The following SLC1A2 variants were observed in gnomAD, a reference collection of about 807,000 sequenced individuals.
The protein encoded by SLC1A2 is excitatory amino acid transporter 2.
SLC1A2 carries 15 observed loss-of-function variants against 48.8 expected under a neutral mutation model. That is an observed-to-expected ratio of 0.31 (90% confidence interval 0.21 to 0.47). SLC1A2 has a LOEUF of 0.47. Ranked by LOEUF, SLC1A2 falls within the 20% of genes least tolerant of loss-of-function variation. The pLI is 0.99. For synonymous variants in SLC1A2, 279 were observed against 272.6 expected, an observed-to-expected ratio of 1.02 and a Z score of -0.23; for missense variants, 502 against 730.5, an observed-to-expected ratio of 0.69 and a Z score of 3.61.
At chr11:35,279,415 A>T (rs1850548731) in intron 9 of SLC1A2, among the ~76,000 whole-genome samples, 1 of 152,222 alleles carries the variant, frequency 6.6e-6, no homozygotes, top group Non-Finnish European at 1.5e-5. Context: ...GTCAAGTTCA[A>T]GTTTCTCTGC....
chr11:35,265,546 A>G lies in SLC1A2; in HGVS notation c.1634T>C (p.Val545Ala). 5 of 1,587,738 alleles carry G rather than the reference A, an allele frequency of 3.1e-6. No individual in the cohort carries two copies. Among genetic ancestry groups the G allele is most frequent in the Non-Finnish European group, 4.3e-6 (5 of 1,156,060 alleles). The change falls in exon 10 of 11, where the codon GTC becomes GCC. Residue 545 changes from valine to alanine, a missense_variant. Physicochemically the swap from Val to Ala is moderately conservative, Grantham distance 64. This residue lies in a region of SLC1A2 where 102 missense variants were observed against 107.2 expected (regional missense o/e 0.95). Transcript: ENST00000278379. ...NQCVYAAHNSVIVDECKVTLA... is the reference protein window; with the variant it reads ...NQCVYAAHNSAIVDECKVTLA... ...ATGTACCTTGCATTCATCTACTATG[A>G]CAGAGTTGTGTGCAGCATAGACACA...
chr11:35,320,470 G>A (rs936197211), intron 1 of SLC1A2, among the ~76,000 whole-genome samples: 7 of 152,208 alleles, frequency 4.6e-5, no homozygotes, highest in African/African-American at 1.7e-4. Flanking sequence ...GGAAGAAGAA[G>A]GAATGTTCAA....
intron 5 of SLC1A2, among the ~76,000 whole-genome samples, chr11:35,301,852 G>C (rs1033825885): frequency 1.3e-5 from 2 of 152,170 alleles, no homozygotes; most frequent in African/African-American, 4.8e-5. Flanking sequence ...CTTTCCACAT[G>C]AGCAAGTTAA....
chr11:35,310,707 T>C (rs982889233), intron 4 of SLC1A2, among the ~76,000 whole-genome samples: 1 of 152,164 alleles, frequency 6.6e-6, no homozygotes, highest in African/African-American at 2.4e-5. Context: ...TCTACCTGGG[T>C]TAATGGAAAC....
At chr11:35,391,725 C>G (rs746891767) in intron 1 of SLC1A2, 2 of 152,190 alleles carry the variant, frequency 1.3e-5, no homozygotes, top group African/African-American at 4.8e-5. Context: ...AACTGCCATG[C>G]AAACAAATAC....
intron 1 of SLC1A2, chr11:35,392,491 C>T (rs1854813926): frequency 6.6e-6 from 1 of 152,272 alleles, no homozygotes. Context: ...GACCTGCCTT[C>T]TCTATTGCGA....
At chr11:35,344,391 C>T (rs4756214) in intron 1 of SLC1A2, among the ~76,000 whole-genome samples, 54,432 of 152,030 alleles carry the variant, frequency 0.36, 10,158 homozygotes, top group South Asian at 0.54. Flanking sequence ...TGAGAAGGAA[C>T]AGCAAGTGCA....
chr11:35,268,429 C>T lies in SLC1A2; in HGVS notation c.1422-2671G>A, dbSNP rs549343689. Among the ~76,000 whole-genome samples, 3 of 152,154 alleles carry T rather than the reference C, an allele frequency of 2.0e-5. No individual in the cohort carries two copies. In the South Asian group the frequency reaches 6.2e-4, roughly 32 times the overall value. Reference sequence around the variant, plus strand: ...TGGCGGCTCATGCCTGTAATCGCAGCACTTTGGGAGGCTGAGGTGGGCGGA... The same window carrying T: ...TGGCGGCTCATGCCTGTAATCGCAGTACTTTGGGAGGCTGAGGTGGGCGGA... On this transcript the variant is annotated intron_variant, in intron 9 of 10. Coordinates refer to ENST00000278379, the MANE Select transcript of SLC1A2 (RefSeq NM_004171.4).
chr11:35,265,734 A>G lies in SLC1A2; in HGVS notation c.1446T>C (p.Asn482=). The change falls in exon 10 of 11, where the codon AAT becomes AAC. Residue 482 remains asparagine (N), a synonymous_variant. Transcript: ENST00000278379. Reference sequence around the variant, plus strand: ...CAGCCCCAAAAGAGTCACCCACAACATTGACTGAAGTTCTCATCCTGTCCC... The same window carrying G: ...CAGCCCCAAAAGAGTCACCCACAACGTTGACTGAAGTTCTCATCCTGTCCC... The part of the protein sequence containing the change: ...WLLDRMRTSV[N]VVGDSFGAGI... The G allele has an allele frequency of 2.5e-6, 4 of 1,613,198 alleles. No individual in the cohort carries two copies. Among genetic ancestry groups the G allele is most frequent in the South Asian group, 1.1e-5 (1 of 91,036 alleles).
intron 1 of SLC1A2, among the ~76,000 whole-genome samples, chr11:35,375,971 G>A (rs907976012): frequency 7.2e-5 from 11 of 152,270 alleles, no homozygotes; most frequent in South Asian, 2.1e-4. Flanking sequence ...AGCCAGAAGC[G>A]GAATCCAGGC....
rs541940158 is a variant in SLC1A2 at position 35,298,632 on chromosome 11, C to T, written c.857+2887G>A. ...AACCAAACAGCTGTCAGAAATCATT[C>T]TAAGGTCTTATTCCTGCCTCACAAC... On this transcript the variant is annotated intron_variant, in intron 6 of 10. Coordinates refer to ENST00000278379, the MANE Select transcript of SLC1A2 (RefSeq NM_004171.4). 6 of 152,316 alleles carry T rather than the reference C, an allele frequency of 3.9e-5. No homozygotes were observed. The South Asian group carries it at 1.2e-3, about 32-fold the overall frequency. 9.4% of individuals were successfully genotyped at this position (152,316 alleles called of 1,614,324 possible).
intron 4 of SLC1A2, among the ~76,000 whole-genome samples, chr11:35,311,505 A>G (rs972056263): frequency 6.6e-6 from 1 of 152,226 alleles, no homozygotes; most frequent in Non-Finnish European, 1.5e-5. Context: ...ATAAGTGGCA[A>G]AAGAAAAATA....
At chr11:35,308,538 C>T (rs1024217370) in intron 4 of SLC1A2, among the ~76,000 whole-genome samples, 2 of 152,130 alleles carry the variant, frequency 1.3e-5, no homozygotes, top group African/African-American at 4.8e-5. Context: ...ATGAAGATAT[C>T]AGCATCGGGC....
At chr11:35,335,163 T>C (rs186616290) in intron 1 of SLC1A2, among the ~76,000 whole-genome samples, 6 of 152,246 alleles carry the variant, frequency 3.9e-5, no homozygotes, top group Non-Finnish European at 7.4e-5. Flanking sequence ...AGTGTATGCA[T>C]TGATGGGGGG....
At chr11:35,268,858 G>T (rs138507577) in intron 9 of SLC1A2, among the ~76,000 whole-genome samples, 5 of 152,020 alleles carry the variant, frequency 3.3e-5, no homozygotes, top group Admixed American at 1.3e-4. Flanking sequence ...GAACACAGGC[G>T]GTACCATTCC....
In SLC1A2 at chr11:35,353,600, C is replaced by T. The variant is rs148820600; in HGVS notation, c.18-36084G>A. On this transcript the variant is annotated intron_variant, in intron 1 of 10. Transcript: ENST00000278379. ...ATATGTGAGTCTCTAATAGAGAGCT[C>T]GAAGACAAATGATTAATTCCCACCT... Among the ~76,000 whole-genome samples the T allele has an allele frequency of 1.7e-3, 263 of 152,228 alleles. 2 individuals carry two copies. The highest frequency in any genetic ancestry group is 6.1e-3 in the African/African-American group (254 of 41,528).
At chr11:35,356,348 T>C (rs116793277) in intron 1 of SLC1A2, among the ~76,000 whole-genome samples, 1,806 of 152,330 alleles carry the variant, frequency 0.012, 31 homozygotes, top group African/African-American at 0.041. Context: ...ATAAGATCCT[T>C]GACCTCATTG....
chr11:35,400,745 G>C (rs1855112188), intron 1 of SLC1A2, among the ~76,000 whole-genome samples: 1 of 152,034 alleles, frequency 6.6e-6, no homozygotes, highest in Non-Finnish European at 1.5e-5. Flanking sequence ...TCAAATAGAA[G>C]TCTTTTAGTG....
intron 6 of SLC1A2, among the ~76,000 whole-genome samples, chr11:35,294,882 A>C (rs1024695630): frequency 5.3e-5 from 8 of 152,188 alleles, no homozygotes; most frequent in Non-Finnish European, 8.8e-5. Flanking sequence ...CAGAAAGTGA[A>C]GTGTTAGGGT....
Sources: allele counts gnomAD v4.1 joint callset (sites outside exome capture counted in the v4.1 genomes callset), GRCh38; gene constraint gnomAD v4.1.1; regional missense constraint gnomAD v4.1.1; transcripts MANE v1.5; gene names NCBI Gene and HGNC (gene_info 2026-07-23, HGNC 2026-07-21).